The following LTBP2 variants were observed in gnomAD, a reference collection of about 807,000 sequenced individuals.
The protein encoded by LTBP2 is latent-transforming growth factor beta-binding protein 2.
Under a neutral mutation model 210.6 loss-of-function variants are expected in LTBP2, and 103 were observed. That is an observed-to-expected ratio of 0.49 (90% confidence interval 0.42 to 0.58). LTBP2 has a LOEUF of 0.58. Ranked by LOEUF, LTBP2 falls within the 20% of genes least tolerant of loss-of-function variation. The pLI is 0.00. For missense variants in LTBP2, 2,313 were observed against 2,494.5 expected (o/e 0.93, Z 1.55); for synonymous variants, 1,007 against 1,015.0 (o/e 0.99, Z 0.15).
Position 74,611,981 on chromosome 14 carries a change from C to A in LTBP2, c.-37G>T. ...GCTGGAGAGTGGTGCGCGCGGGCAC[C>A]GCGAAGAGCTTTGTGGTCGGCACGC... On this transcript the variant is annotated 5_prime_UTR_variant, in exon 1 of 36. Transcript: ENST00000261978. The A allele has an allele frequency of 6.6e-7, 1 of 1,519,100 alleles. No individual in the cohort carries two copies. The highest frequency in any genetic ancestry group is 8.8e-7 in the Non-Finnish European group (1 of 1,142,572). 94.1% of individuals were successfully genotyped at this position (1,519,100 alleles called of 1,614,324 possible).
Position 74,555,489 on chromosome 14 carries a change from C to G in LTBP2, c.1021+14G>C. Reference sequence around the variant, plus strand: ...GGCCCTGCTCTTCTAGGACCCAAGACAGGGTATCCTTACCCCAGGGGGATG... The same window carrying G: ...GGCCCTGCTCTTCTAGGACCCAAGAGAGGGTATCCTTACCCCAGGGGGATG... On this transcript the variant is annotated intron_variant, in intron 4 of 35. Transcript: ENST00000261978. 1.9e-6 allele frequency: 3 copies of G among 1,612,604 alleles called. No individual in the cohort carries two copies. Among genetic ancestry groups the G allele is most frequent in the Non-Finnish European group, 2.5e-6 (3 of 1,179,152 alleles).
At chr14:74,560,946 G>T (rs1285068544) in intron 3 of LTBP2, among the ~76,000 whole-genome samples, 1 of 152,116 alleles carries the variant, frequency 6.6e-6, no homozygotes, top group Non-Finnish European at 1.5e-5. Flanking sequence ...ATTCACAGGG[G>T]TCCTGGAACA....
chr14:74,587,080 T>C (rs1297184882), intron 2 of LTBP2, among the ~76,000 whole-genome samples: 1 of 152,110 alleles, frequency 6.6e-6, no homozygotes, highest in Non-Finnish European at 1.5e-5. Flanking sequence ...CCACATCCCA[T>C]GATTAATGGC....
intron 1 of LTBP2, among the ~76,000 whole-genome samples, chr14:74,608,451 G>A (rs1443992246): frequency 6.6e-6 from 1 of 151,394 alleles, no homozygotes; most frequent in African/African-American, 2.4e-5. Context: ...GCTCACACCT[G>A]TAATCCCAGC....
chr14:74,521,947 T>C lies in LTBP2; in HGVS notation c.2752A>G (p.Thr918Ala), dbSNP rs774162019. 2.5e-6 allele frequency: 4 copies of C among 1,613,768 alleles called. No individual in the cohort carries two copies. The African/African-American group carries it at 4.0e-5, about 16-fold the overall frequency. Residue 918 changes from threonine to alanine, a missense_variant, in exon 17 of 36, where the codon ACT (threonine) becomes GCT (alanine). By Grantham distance (58) the Thr-to-Ala change is moderately conservative. Coordinates refer to ENST00000261978, the MANE Select transcript of LTBP2 (RefSeq NM_000428.3). ...SYSCFCYPGY[T>A]LATSGATQEC... ...TGTGTCGCCCCTGAGGTGGCCAGAGTGTAGCCAGGGTAGCAGAAGCAGGAG... is the reference window on the plus strand; with the variant it reads ...TGTGTCGCCCCTGAGGTGGCCAGAGCGTAGCCAGGGTAGCAGAAGCAGGAG...
chr14:74,599,994 C>G (rs1029292442), intron 2 of LTBP2, among the ~76,000 whole-genome samples: 2 of 152,196 alleles, frequency 1.3e-5, no homozygotes, highest in Admixed American at 1.3e-4. Context: ...ATGAACATTC[C>G]CCAACATTGG....
At chr14:74,531,990 G>A (rs147666390) in intron 10 of LTBP2, among the ~76,000 whole-genome samples, 187 of 152,272 alleles carry the variant, frequency 1.2e-3, no homozygotes, top group African/African-American at 2.1e-3. Context: ...AAAGGCCCTC[G>A]GGTCGGGCAG....
At chr14:74,534,326 G>A (rs1157781800) in intron 9 of LTBP2, among the ~76,000 whole-genome samples, 2 of 152,208 alleles carry the variant, frequency 1.3e-5, no homozygotes, top group Non-Finnish European at 2.9e-5. Context: ...ATGAGACACT[G>A]GCAGACATGT....
chr14:74,602,050 C>T (rs576824316), intron 2 of LTBP2, among the ~76,000 whole-genome samples: 1 of 152,310 alleles, frequency 6.6e-6, no homozygotes, highest in African/African-American at 2.4e-5. Flanking sequence ...CAACGGGCTC[C>T]CTCAGACTCC....
At chr14:74,577,170 T>C (rs996059009) in intron 3 of LTBP2, among the ~76,000 whole-genome samples, 11 of 150,706 alleles carry the variant, frequency 7.3e-5, no homozygotes, top group African/African-American at 9.8e-5. Flanking sequence ...TACAAACAGG[T>C]CAGGAAAAAG....
At chr14:74,573,303 G>C (rs1303702663) in intron 3 of LTBP2, among the ~76,000 whole-genome samples, 4 of 152,196 alleles carry the variant, frequency 2.6e-5, no homozygotes, top group Non-Finnish European at 5.9e-5. Context: ...CTCCTCACAG[G>C]GTCATGGCAA....
chr14:74,564,897 G>A (rs1037043992), intron 3 of LTBP2, among the ~76,000 whole-genome samples: 1 of 152,160 alleles, frequency 6.6e-6, no homozygotes, highest in Non-Finnish European at 1.5e-5. Flanking sequence ...ACCAAACCAG[G>A]TAACTTCATC....
At chr14:74,522,387 A>G (rs1470769046) in intron 16 of LTBP2, among the ~76,000 whole-genome samples, 1 of 152,092 alleles carries the variant, frequency 6.6e-6, no homozygotes, top group East Asian at 1.9e-4. Context: ...TCCACACTTG[A>G]TGATTTATCT....
rs2086892647 is a variant in LTBP2 at position 74,500,049 on chromosome 14, T to C, written c.*835A>G. The C allele has an allele frequency of 4.3e-6, 1 of 232,390 alleles. No homozygotes were observed. The highest frequency in any genetic ancestry group is 8.5e-6 in the Non-Finnish European group (1 of 117,628). The allele number at this position is 232,390 out of a possible 1,614,324, so 14.4% of individuals were successfully genotyped here. On this transcript the variant is annotated 3_prime_UTR_variant, in exon 36 of 36. Coordinates refer to ENST00000261978, the MANE Select transcript of LTBP2 (RefSeq NM_000428.3). ...GCAGTGTTTATGTAATAGAGGTCTT[T>C]GTAGATGGGTGCTGTATCCCATGGC...
Position 74,611,486 on chromosome 14 carries a change from A to G in LTBP2, c.459T>C (p.Ala153=). 1 of 1,494,112 alleles carries G rather than the reference A, an allele frequency of 6.7e-7. No individual in the cohort carries two copies. Among genetic ancestry groups the G allele is most frequent in the Non-Finnish European group, 8.8e-7 (1 of 1,135,206 alleles). 92.6% of individuals were successfully genotyped at this position (1,494,112 alleles called of 1,614,324 possible). A position where few individuals can be genotyped will look rare whatever the true frequency, so the allele number is the denominator to read the frequency against. Residue 153 remains alanine (A), a synonymous_variant, in exon 1 of 36, where the codon GCT becomes GCC. Coordinates refer to ENST00000261978, the MANE Select transcript of LTBP2 (RefSeq NM_000428.3). Reference sequence around the variant, plus strand: ...GCCCTCGCGGCGGGGTTGGGGGCGCAGCCCCAGACCGCTGTGGGGTCCCCA... The same window carrying G: ...GCCCTCGCGGCGGGGTTGGGGGCGCGGCCCCAGACCGCTGTGGGGTCCCCA... The part of the protein sequence containing the change: ...PRLGTPQRSG[A]APPTPPRGRL...
intron 8 of LTBP2, among the ~76,000 whole-genome samples, chr14:74,539,057 C>T (rs2087459215): frequency 6.6e-6 from 1 of 152,256 alleles, no homozygotes; most frequent in South Asian, 2.1e-4. Flanking sequence ...AAGAATGATG[C>T]AAGGCTGCTG....
At chr14:74,569,190 G>GGGAGGGAGGGAC (rs2087942098) in intron 3 of LTBP2, among the ~76,000 whole-genome samples, 3 of 148,866 alleles carry the variant, frequency 2.0e-5, no homozygotes, top group Admixed American at 2.0e-4. Flanking sequence ...GAGGGAGGGA[G>GGGAGGGAGGGAC]GGAGGGAGGG....
rs1239148682 is a variant in LTBP2 at position 74,504,959 on chromosome 14, G to A, written c.4369+24C>T. 23 of 1,580,236 alleles carry A rather than the reference G, an allele frequency of 1.5e-5. No individual in the cohort carries two copies. In the Middle Eastern group the frequency reaches 9.9e-4, roughly 68 times the overall value. ...CACCTTGCAGAGCTGACCCTTCGAG[G>A]ATCTGGAACCCTTGGGGTCTTACCT... On this transcript the variant is annotated intron_variant, in intron 29 of 35. Coordinates refer to ENST00000261978, the MANE Select transcript of LTBP2 (RefSeq NM_000428.3).
intron 15 of LTBP2, among the ~76,000 whole-genome samples, chr14:74,524,494 G>C (rs1288983594): frequency 1.3e-5 from 2 of 152,094 alleles, no homozygotes; most frequent in Non-Finnish European, 2.9e-5. Context: ...CACGTGTACA[G>C]GGAGCAGCGG....
Sources: allele counts gnomAD v4.1 joint callset (sites outside exome capture counted in the v4.1 genomes callset), GRCh38; gene constraint gnomAD v4.1.1; transcripts MANE v1.5; gene names NCBI Gene and HGNC (gene_info 2026-07-23, HGNC 2026-07-21).